EDRF1: variants seen among roughly 807,000 people sequenced by gnomAD.
EDRF1 encodes erythroid differentiation regulatory factor 1.
Under a neutral mutation model 148.7 loss-of-function variants are expected in EDRF1, and 69 were observed. That is an observed-to-expected ratio of 0.46 (90% CI 0.38 to 0.57). EDRF1 has a LOEUF of 0.57. Among genes scored for constraint, EDRF1 ranks in the 20% least tolerant of loss-of-function variants. The probability of loss-of-function intolerance (pLI) is 0.00; values close to 1 mark genes in which losing one functional copy is unlikely to be tolerated. For missense variants in EDRF1, 1,118 were observed against 1,478.7 expected, an observed-to-expected ratio of 0.76 and a Z score of 4.00; for synonymous variants, 515 against 532.8, an observed-to-expected ratio of 0.97 and a Z score of 0.46.
intron 12 of EDRF1, 92 bp from the exon 13 acceptor site, chr10:125,735,552 C>A: frequency 7.8e-7 from 1 of 1,274,484 alleles, no homozygotes; most frequent in Non-Finnish European, 1.1e-6. Flanking sequence ...AGCCTGTGTG[C>A]AGACCTCCTC....
Position 125,725,790 on chromosome 10 carries a change from C to T in EDRF1, c.744C>T (p.Pro248=). Residue 248 remains proline, a synonymous_variant, in exon 6 of 25, where the codon CCC becomes CCT. Transcript: ENST00000356792. ...NDSEGASWPA[P]FEMPSSVSED... ...CGGAAGGGGCTTCATGGCCTGCTCC[C>T]TTCGAAATGCCTTCTTCAGTTTCTG... is the stretch of plus-strand genomic sequence containing the variant. 1 of 1,614,022 alleles carries T rather than the reference C, an allele frequency of 6.2e-7. No homozygotes were observed. Among genetic ancestry groups the T allele is most frequent in the Non-Finnish European group, 8.5e-7 (1 of 1,180,006 alleles).
intron 6 of EDRF1, among the ~76,000 whole-genome samples, chr10:125,727,531 GT>G (rs1169020843): frequency 9.9e-5 from 15 of 152,164 alleles, no homozygotes; most frequent in Non-Finnish European, 2.9e-5. Flanking sequence ...CTGGCAAACT[GT>G]TTTGAGAATC....
chr10:125,758,899 C>G lies in EDRF1; in HGVS notation c.3546-4402C>G, dbSNP rs771562885. Reference sequence around the variant, plus strand: ...GGCCTTCCCACTGCTCCTGCACCCCCACCTAACCCTTCAGAGTGTTTTTTT... The same window carrying G: ...GGCCTTCCCACTGCTCCTGCACCCCGACCTAACCCTTCAGAGTGTTTTTTT... On this transcript the variant is annotated intron_variant, in intron 24 of 24. Transcript: ENST00000356792. Among the ~76,000 whole-genome samples, 5 of 152,286 alleles carry G rather than the reference C, an allele frequency of 3.3e-5. No individual in the cohort carries two copies. The South Asian group carries it at 1.0e-3, about 32-fold the overall frequency.
At chr10:125,730,163 G>C (rs1010992461) in intron 8 of EDRF1, 125 bp from the exon 9 acceptor site, 13 of 715,780 alleles carry the variant, frequency 1.8e-5, no homozygotes, top group South Asian at 3.4e-5. Context: ...AGAAAAGAAA[G>C]CATAGATGGC....
intron 24 of EDRF1, among the ~76,000 whole-genome samples, chr10:125,760,643 A>G (rs1850152919): frequency 1.3e-5 from 2 of 152,324 alleles, no homozygotes; most frequent in South Asian, 4.1e-4. Flanking sequence ...TTTTATTGTT[A>G]AGAGGAAAAT....
At chr10:125,729,813 G>A (rs1370287228) in intron 8 of EDRF1, among the ~76,000 whole-genome samples, 1 of 152,204 alleles carries the variant, frequency 6.6e-6, no homozygotes, top group Non-Finnish European at 1.5e-5. Flanking sequence ...TGTTGGACTG[G>A]CCTAGTCTTA....
intron 6 of EDRF1, among the ~76,000 whole-genome samples, chr10:125,727,314 A>C (rs1564732703): frequency 6.6e-6 from 1 of 152,186 alleles, no homozygotes; most frequent in Admixed American, 6.5e-5. Flanking sequence ...TACTTTTCTT[A>C]TATTGCTTAA....
intron 17 of EDRF1, chr10:125,741,442 C>A (rs1434763166): frequency 2.0e-6 from 1 of 497,814 alleles, no homozygotes; most frequent in African/African-American, 1.9e-5. Context: ...CTCAGCCTCC[C>A]AAGTAGCTGG....
rs1231351885 is a variant in EDRF1 at position 125,725,671 on chromosome 10, G to A, written c.636-11G>A. 6.2e-7 allele frequency: 1 copy of A among 1,613,690 alleles called. No individual in the cohort carries two copies. Among genetic ancestry groups the A allele is most frequent in the Non-Finnish European group, 8.5e-7 (1 of 1,179,966 alleles). ...GTAACAGCAATCCTTTTTTATTTCT[G>A]GTTTGGCCAGTATCAATGGTGATGG... On this transcript the variant is annotated splice_polypyrimidine_tract_variant and intron_variant, in intron 5 of 24. Coordinates refer to ENST00000356792, the MANE Select transcript of EDRF1 (RefSeq NM_001202438.2).
intron 1 of EDRF1, among the ~76,000 whole-genome samples, chr10:125,720,755 G>A (rs1354920952): frequency 1.3e-5 from 2 of 150,602 alleles, no homozygotes; most frequent in African/African-American, 4.9e-5. Context: ...AGGTTGCAGT[G>A]AGCCATGATT....
chr10:125,757,628 C>G (rs1849973829), intron 24 of EDRF1, among the ~76,000 whole-genome samples: 1 of 152,200 alleles, frequency 6.6e-6, no homozygotes, highest in Non-Finnish European at 1.5e-5. Flanking sequence ...GGTGTGCTAG[C>G]AATGAATTCT....
chr10:125,725,440 C>T lies in EDRF1; in HGVS notation c.633C>T (p.Tyr211=). The T allele has an allele frequency of 6.2e-7, 1 of 1,613,902 alleles. No homozygotes were observed. Among genetic ancestry groups the T allele is most frequent in the Non-Finnish European group, 8.5e-7 (1 of 1,179,900 alleles). The change falls in exon 5 of 25, where the codon TAC becomes TAT. Residue 211 remains tyrosine (Y), a splice_region_variant and synonymous_variant. Coordinates refer to ENST00000356792, the MANE Select transcript of EDRF1 (RefSeq NM_001202438.2). ...QKAILSKFLY[Y]SINGDGAAQP... Reference sequence around the variant, plus strand: ...CAATTCTTTCCAAGTTTTTATATTACAGGTACTTGGCTACTTATTTATCTC... The same window carrying T: ...CAATTCTTTCCAAGTTTTTATATTATAGGTACTTGGCTACTTATTTATCTC...
intron 14 of EDRF1, 28 bp downstream of exon 14, chr10:125,738,017 T>G (rs1848824837): frequency 1.3e-6 from 2 of 1,595,350 alleles, no homozygotes; most frequent in South Asian, 2.2e-5. Flanking sequence ...CTTCACTTTT[T>G]TCGTAAAGTT....
intron 21 of EDRF1, 122 bp from the exon 22 acceptor site, chr10:125,749,289 TA>T: frequency 9.1e-7 from 1 of 1,094,912 alleles, no homozygotes; most frequent in Non-Finnish European, 1.4e-6. Flanking sequence ...GACCTAAATA[TA>T]AAAGCTAAAA....
intron 13 of EDRF1, among the ~76,000 whole-genome samples, chr10:125,737,268 A>G (rs1292322780): frequency 6.6e-6 from 1 of 152,202 alleles, no homozygotes; most frequent in East Asian, 1.9e-4. Flanking sequence ...TCTGTTCCGT[A>G]TCTGAAGCAC....
intron 7 of EDRF1, 34 bp from the exon 8 acceptor site, chr10:125,729,324 T>C (rs1848397608): frequency 1.9e-6 from 3 of 1,609,048 alleles, no homozygotes; most frequent in Non-Finnish European, 2.6e-6. Flanking sequence ...ACAGATTGAC[T>C]GTTTATTATA....
chr10:125,727,211 C>T (rs2133678571), intron 6 of EDRF1, among the ~76,000 whole-genome samples: 1 of 152,316 alleles, frequency 6.6e-6, no homozygotes. Context: ...TCCGTGTACT[C>T]CACACACAGC....
intron 18 of EDRF1, 129 bp downstream of exon 18, chr10:125,743,405 CTTA>C (rs1462635094): frequency 1.1e-5 from 8 of 715,226 alleles, no homozygotes; most frequent in East Asian, 8.1e-5. Context: ...TAGAGAACCT[CTTA>C]TTATTCTTAA....
rs375929143 is a variant in EDRF1 at position 125,759,912 on chromosome 10, G to C, written c.3546-3389G>C. 9.2e-5 allele frequency among the ~76,000 whole-genome samples: 14 copies of C among 152,132 alleles called. No individual in the cohort carries two copies. In the East Asian group the frequency reaches 2.7e-3, roughly 29 times the overall value. On this transcript the variant is annotated intron_variant, in intron 24 of 24. Transcript: ENST00000356792. ...TTTTTAGTAGAGACGGGGTTTCACC[G>C]TGTTAGCCAGGATGGTCTCGATCTT...
Sources: allele counts gnomAD v4.1 joint callset (sites outside exome capture counted in the v4.1 genomes callset), GRCh38; gene constraint gnomAD v4.1.1; transcripts MANE v1.5; gene names NCBI Gene and HGNC (gene_info 2026-07-23, HGNC 2026-07-21).